Variants in TPH2 observed in about 807,000 individuals in gnomAD.
TPH2 encodes the protein tryptophan 5-hydroxylase 2.
A neutral mutation model predicts 59.1 loss-of-function variants in TPH2; 27 were observed. The ratio of observed to expected loss-of-function variants is 0.46; its 90% CI spans 0.34 to 0.63. The LOEUF is 0.63. Ranked by LOEUF, TPH2 falls within the 30% of genes least tolerant of loss-of-function variation. The pLI is 0.01. For synonymous variants in TPH2, 220 were observed against 210.5 expected (o/e 1.05, Z -0.39); for missense variants, 523 against 588.3 (o/e 0.89, Z 1.15).
intron 9 of TPH2, among the ~76,000 whole-genome samples, chr12:72,029,645 C>CT (rs1460067709): frequency 1.2e-4 from 18 of 152,232 alleles, no homozygotes; most frequent in Admixed American, 3.3e-4. Context: ...GTGTAGTGAC[C>CT]TTCTGCTTAT....
At chr12:72,022,751 C>A (rs1022533259) in intron 9 of TPH2, among the ~76,000 whole-genome samples, 8 of 152,130 alleles carry the variant, frequency 5.3e-5, no homozygotes, top group African/African-American at 1.9e-4. Context: ...CAAATGTATG[C>A]CCAAATCTTG....
chr12:71,975,302 G>A (rs1479805496), intron 6 of TPH2, among the ~76,000 whole-genome samples: 1 of 152,120 alleles, frequency 6.6e-6, no homozygotes, highest in Non-Finnish European at 1.5e-5. Context: ...CTGAGATCAC[G>A]CCACTGCACT....
chr12:71,951,046 T>A (rs1871331601), intron 5 of TPH2, among the ~76,000 whole-genome samples: 1 of 152,116 alleles, frequency 6.6e-6, no homozygotes, highest in Non-Finnish European at 1.5e-5. Flanking sequence ...TCTCATCTCC[T>A]CTGTTCTAAG....
rs191873077 is a variant in TPH2 at position 71,939,838 on chromosome 12, C to T, written c.105+747C>T. ...CCACGAAATAAAAATGTATCCAGGT[C>T]CTAGTCATTAAAAATATTAAATGGT... is the stretch of plus-strand genomic sequence containing the variant. On this transcript the variant is annotated intron_variant, in intron 1 of 10. Transcript: ENST00000333850. Among the ~76,000 whole-genome samples, 7 of 152,220 alleles carry T rather than the reference C, an allele frequency of 4.6e-5. No homozygotes were observed. The East Asian group carries it at 1.2e-3, about 25-fold the overall frequency.
At chr12:72,012,983 A>G (rs1873139913) in intron 8 of TPH2, among the ~76,000 whole-genome samples, 1 of 152,204 alleles carries the variant, frequency 6.6e-6, no homozygotes, top group Non-Finnish European at 1.5e-5. Flanking sequence ...AAAGCAACCC[A>G]AAAGATATAG....
intron 7 of TPH2, among the ~76,000 whole-genome samples, chr12:71,984,516 T>C (rs1431739027): frequency 6.6e-6 from 1 of 152,162 alleles, no homozygotes; most frequent in Non-Finnish European, 1.5e-5. Context: ...TGTTGGTGTT[T>C]TTAATATCAG....
chr12:71,940,451 C>T (rs924331206), intron 1 of TPH2, among the ~76,000 whole-genome samples: 1 of 152,142 alleles, frequency 6.6e-6, no homozygotes, highest in Non-Finnish European at 1.5e-5. Context: ...CAGAAGAAGA[C>T]AATGGCAGAT....
intron 6 of TPH2, among the ~76,000 whole-genome samples, chr12:71,973,558 T>C (rs990000929): frequency 6.6e-6 from 1 of 152,178 alleles, no homozygotes; most frequent in African/African-American, 2.4e-5. Flanking sequence ...AACTCATGAA[T>C]AATCCATTCC....
At chr12:72,018,396 T>C (rs1873315831) in intron 8 of TPH2, among the ~76,000 whole-genome samples, 1 of 152,208 alleles carries the variant, frequency 6.6e-6, no homozygotes, top group East Asian at 1.9e-4. Context: ...GATGCAGACC[T>C]ACCTTTTAAT....
At chr12:71,983,903 A>G (rs7300490) in intron 7 of TPH2, among the ~76,000 whole-genome samples, 128,781 of 152,108 alleles carry the variant, frequency 0.85, 54,620 homozygotes, top group East Asian at 0.96. Flanking sequence ...GCAAAGTGAG[A>G]GCCCAGTCTG....
intron 8 of TPH2, among the ~76,000 whole-genome samples, chr12:71,998,102 A>G (rs1026776458): frequency 6.6e-6 from 1 of 152,176 alleles, no homozygotes; most frequent in Non-Finnish European, 1.5e-5. Context: ...CTTAACATAA[A>G]TGCTTTAAAT....
At chr12:71,954,555 G>A (rs542500481) in intron 5 of TPH2, among the ~76,000 whole-genome samples, 5 of 152,294 alleles carry the variant, frequency 3.3e-5, no homozygotes, top group African/African-American at 1.2e-4. Flanking sequence ...CAGAGGAAAT[G>A]GAAGTGTGTG....
chr12:71,988,906 C>T (rs971420943), intron 7 of TPH2, among the ~76,000 whole-genome samples: 2 of 151,922 alleles, frequency 1.3e-5, no homozygotes, highest in African/African-American at 4.8e-5. Flanking sequence ...ACTTTTAAGC[C>T]ACATTTCCTA....
At position 71,944,275 on chromosome 12, in the gene TPH2, G is replaced by A; in HGVS notation, c.256-19G>A. ...TTATTGTCCCTGAAGGTGATTTTCA[G>A]ATGCTCGTGTTTCCACAGGAAAAAC... On this transcript the variant is annotated intron_variant, in intron 2 of 10. Transcript: ENST00000333850. 1 of 1,613,560 alleles carries A rather than the reference G, an allele frequency of 6.2e-7. No homozygotes were observed. The highest frequency in any genetic ancestry group is 8.5e-7 in the Non-Finnish European group (1 of 1,179,642).
rs182882712 is a variant in TPH2 at position 72,022,387 on chromosome 12, G to A, written c.1069-12G>A. 728 of 1,608,216 alleles carry A rather than the reference G, an allele frequency of 4.5e-4. No homozygotes were observed. Among genetic ancestry groups the A allele is most frequent in the Non-Finnish European group, 5.6e-4 (661 of 1,174,684 alleles). ...TGACCAGTTCACTGAATATGTGTTC[G>A]TTTTTCTTCAGTGCTATTTCTTCAC... On this transcript the variant is annotated splice_polypyrimidine_tract_variant and intron_variant, in intron 8 of 10. Transcript: ENST00000333850.
intron 7 of TPH2, among the ~76,000 whole-genome samples, chr12:71,986,217 G>A (rs1349032448): frequency 6.6e-6 from 1 of 152,114 alleles, no homozygotes; most frequent in Non-Finnish European, 1.5e-5. Context: ...ATAACACTTT[G>A]ATCTTTGGAG....
Position 71,944,386 on chromosome 12 carries a change from A to C in TPH2, c.348A>C (p.Lys116Asn), listed in dbSNP as rs768689722. ...TCTTTGTGGACTGTGAGTGTGGGAA[A>C]ACAGAATTCAATGAGCTCATTCAGT... The part of the protein sequence containing the change: ...VEIFVDCECG[K>N]TEFNELIQLL... The change falls in exon 3 of 11, where the codon AAA becomes AAC. Residue 116 changes from lysine (K) to asparagine (N), a missense_variant. Physicochemically the swap from Lys to Asn is moderately conservative, Grantham distance 94. Coordinates refer to ENST00000333850, the MANE Select transcript of TPH2 (RefSeq NM_173353.4). 1 of 1,613,966 alleles carries C rather than the reference A, an allele frequency of 6.2e-7. No individual in the cohort carries two copies. Among genetic ancestry groups the C allele is most frequent in the East Asian group, 2.2e-5 (1 of 44,882 alleles).
At chr12:71,986,676 T>C (rs1026433246) in intron 7 of TPH2, among the ~76,000 whole-genome samples, 14 of 149,966 alleles carry the variant, frequency 9.3e-5, no homozygotes, top group Admixed American at 2.0e-4. Context: ...ATTCCTTATG[T>C]CACTCTCCCC....
At chr12:71,968,286 C>A (rs1362332727) in intron 5 of TPH2, among the ~76,000 whole-genome samples, 4 of 152,226 alleles carry the variant, frequency 2.6e-5, no homozygotes, top group Admixed American at 6.5e-5. Flanking sequence ...GCCCTCAGAG[C>A]TTCTTCATGA....
Sources: allele counts gnomAD v4.1 joint callset (sites outside exome capture counted in the v4.1 genomes callset), GRCh38; gene constraint gnomAD v4.1.1; transcripts MANE v1.5; gene names NCBI Gene and HGNC (gene_info 2026-07-23, HGNC 2026-07-21).